Variants in TBC1D22A observed in about 807,000 individuals in gnomAD.
TBC1D22A encodes the protein putative GTPase activator.
Under a neutral mutation model 60.2 loss-of-function variants are expected in TBC1D22A, and 38 were observed. The observed-to-expected ratio is 0.63, with a 90% confidence interval of 0.49 to 0.83. The LOEUF (loss-of-function observed/expected upper bound fraction) is 0.83. TBC1D22A is among the 40% of genes least tolerant of loss of function. The pLI is 0.00. For missense variants in TBC1D22A, 628 were observed against 701.0 expected, an observed-to-expected ratio of 0.90 and a Z score of 1.18; for synonymous variants, 302 against 281.7, an observed-to-expected ratio of 1.07 and a Z score of -0.72.
intron 12 of TBC1D22A, among the ~76,000 whole-genome samples, chr22:47,155,540 G>A (rs574629000): frequency 2.6e-5 from 4 of 152,328 alleles, no homozygotes; most frequent in Admixed American, 6.5e-5. Context: ...GGGGATGCCC[G>A]GCCACTGTGG....
At chr22:46,980,707 C>T (rs2074481981) in intron 9 of TBC1D22A, among the ~76,000 whole-genome samples, 1 of 151,042 alleles carries the variant, frequency 6.6e-6, no homozygotes. Context: ...GAGAAATGTA[C>T]TAGAGGAAAG....
chr22:47,113,958 C>T (rs1271072963), intron 12 of TBC1D22A, among the ~76,000 whole-genome samples: 1 of 152,116 alleles, frequency 6.6e-6, no homozygotes, highest in Non-Finnish European at 1.5e-5. Context: ...TGGTCCCATC[C>T]AGGGGCCACT....
chr22:47,157,606 CTCGCTTCAGAGCG>C (rs1394439516), intron 12 of TBC1D22A, among the ~76,000 whole-genome samples: 1 of 152,222 alleles, frequency 6.6e-6, no homozygotes, highest in Non-Finnish European at 1.5e-5. Context: ...CCCATGGCTC[CTCGCTTCAGAGCG>C]TGCCGTCGTG....
chr22:46,789,301 AT>A, intron 1 of TBC1D22A: 2 of 383,404 alleles, frequency 5.2e-6, no homozygotes, highest in South Asian at 3.7e-5. Flanking sequence ...AATTTTTTGT[AT>A]TTTTCATAGA....
At chr22:46,826,034 C>A (rs968190279) in intron 4 of TBC1D22A, among the ~76,000 whole-genome samples, 1 of 152,232 alleles carries the variant, frequency 6.6e-6, no homozygotes, top group East Asian at 1.9e-4. Context: ...AGGTGCCCAC[C>A]ACCACGCCTG....
At chr22:46,961,214 T>C (rs372933881) in intron 8 of TBC1D22A, among the ~76,000 whole-genome samples, 1 of 152,184 alleles carries the variant, frequency 6.6e-6, no homozygotes, top group African/African-American at 2.4e-5. Flanking sequence ...AGATATTCAT[T>C]GTACCATAAT....
chr22:46,841,068 G>GTGTGTGTGTGTA, intron 4 of TBC1D22A, among the ~76,000 whole-genome samples: 1 of 151,148 alleles, frequency 6.6e-6, no homozygotes, highest in African/African-American at 2.4e-5. Context: ...GTGTGTGTGT[G>GTGTGTGTGTGTA]TGTGTGAGAG....
intron 9 of TBC1D22A, among the ~76,000 whole-genome samples, chr22:46,997,349 A>G (rs986370998): frequency 6.6e-6 from 1 of 152,138 alleles, no homozygotes; most frequent in African/African-American, 2.4e-5. Context: ...ATTTAGATGT[A>G]AGTGTCTTAC....
chr22:47,065,384 G>A (rs1251092797), intron 11 of TBC1D22A, among the ~76,000 whole-genome samples: 1 of 152,136 alleles, frequency 6.6e-6, no homozygotes, highest in African/African-American at 2.4e-5. Context: ...AGTGAAAAGC[G>A]AAGTTCCGAG....
At chr22:47,062,395 T>G (rs1235355099) in intron 11 of TBC1D22A, among the ~76,000 whole-genome samples, 1 of 152,144 alleles carries the variant, frequency 6.6e-6, no homozygotes, top group East Asian at 1.9e-4. Flanking sequence ...CCTGCTGGCT[T>G]TACAGTCAGC....
intron 12 of TBC1D22A, among the ~76,000 whole-genome samples, chr22:47,165,602 C>T (rs902267594): frequency 1.1e-4 from 17 of 152,144 alleles, no homozygotes; most frequent in African/African-American, 4.1e-4. Flanking sequence ...GGGAATGGGA[C>T]TGCAGTGTGG....
At chr22:46,997,239 C>T (rs957984696) in intron 9 of TBC1D22A, among the ~76,000 whole-genome samples, 1 of 152,238 alleles carries the variant, frequency 6.6e-6, no homozygotes, top group African/African-American at 2.4e-5. Flanking sequence ...CGTTGGTTCC[C>T]GGCAGGGCTG....
At chr22:47,107,992 G>T (rs2065698798) in intron 11 of TBC1D22A, among the ~76,000 whole-genome samples, 1 of 152,160 alleles carries the variant, frequency 6.6e-6, no homozygotes, top group Non-Finnish European at 1.5e-5. Context: ...AGCATGATCT[G>T]TAAAAGAACA....
At chr22:47,063,539 G>A (rs2063653774) in intron 11 of TBC1D22A, among the ~76,000 whole-genome samples, 1 of 152,136 alleles carries the variant, frequency 6.6e-6, no homozygotes, top group Admixed American at 6.5e-5. Flanking sequence ...CGTGCCTGCT[G>A]GGGGTCCGGG....
At chr22:46,970,507 T>C (rs767598674) in intron 8 of TBC1D22A, among the ~76,000 whole-genome samples, 2 of 152,220 alleles carry the variant, frequency 1.3e-5, no homozygotes, top group Non-Finnish European at 2.9e-5. Context: ...GAGATAAACC[T>C]GTCCTCCTTG....
chr22:46,982,068 AGGGAGCAG>A (rs1204562706), intron 9 of TBC1D22A, among the ~76,000 whole-genome samples: 1 of 152,134 alleles, frequency 6.6e-6, no homozygotes, highest in Non-Finnish European at 1.5e-5. Flanking sequence ...CAGAGTGCTT[AGGGAGCAG>A]GAGTGTGGGC....
intron 12 of TBC1D22A, among the ~76,000 whole-genome samples, chr22:47,148,664 G>A (rs1167754169): frequency 3.1e-5 from 4 of 128,642 alleles, no homozygotes; most frequent in African/African-American, 1.3e-4. Context: ...CCTGGGGTCC[G>A]TTCCTCTCCT....
intron 11 of TBC1D22A, among the ~76,000 whole-genome samples, chr22:47,060,215 C>T (rs934402690): frequency 3.3e-5 from 5 of 150,212 alleles, no homozygotes; most frequent in Non-Finnish European, 7.4e-5. Context: ...TCAGCCTCTG[C>T]GGCCCCTGCT....
At position 47,158,222 on chromosome 22, in the gene TBC1D22A, A is replaced by C. The variant is rs9626942; in HGVS notation, c.1426-15276A>C. On this transcript the variant is annotated intron_variant, in intron 12 of 12. Coordinates refer to ENST00000337137, the MANE Select transcript of TBC1D22A (RefSeq NM_014346.5). ...GCACTCAGCGTTTGCATGCTTCTGC[A>C]GTTGACATACTAGAAACTTAGCAGG... 2.0e-5 allele frequency among the ~76,000 whole-genome samples: 3 copies of C among 152,212 alleles called. No homozygotes were observed. In the East Asian group the frequency reaches 5.8e-4, roughly 29 times the overall value.
Sources: gnomAD v4.1 joint callset for allele counts (sites outside exome capture counted in the v4.1 genomes callset) on GRCh38, gnomAD v4.1.1 for gene constraint, MANE v1.5 for transcripts, NCBI Gene and HGNC (gene_info 2026-07-23, HGNC 2026-07-21) for gene names.